The following PPME1 variants were observed in gnomAD, a reference collection of about 807,000 sequenced individuals.
PPME1 encodes protein phosphatase methylesterase 1, also known as testicular secretory protein Li 39.
PPME1 carries 17 observed loss-of-function variants against 56.9 expected under a neutral mutation model. The observed-to-expected ratio is 0.30, with a 90% confidence interval of 0.20 to 0.45. The LOEUF is 0.45. Among genes scored for constraint, PPME1 ranks in the 20% least tolerant of loss-of-function variants. PPME1 has a pLI of 1.00. For synonymous variants in PPME1, 122 were observed against 156.2 expected, an observed-to-expected ratio of 0.78 and a Z score of 1.63; for missense variants, 357 against 483.2, an observed-to-expected ratio of 0.74 and a Z score of 2.45.
At chr11:74,210,735 A>G (rs1466750238) in intron 3 of PPME1, among the ~76,000 whole-genome samples, 1 of 152,214 alleles carries the variant, frequency 6.6e-6, no homozygotes, top group Non-Finnish European at 1.5e-5. Flanking sequence ...CAGCAGGACC[A>G]GATGCTGGTG....
chr11:74,222,513 G>A, intron 4 of PPME1, 144 bp downstream of exon 4: 1 of 750,776 alleles, frequency 1.3e-6, no homozygotes, highest in Non-Finnish European at 2.2e-6. Flanking sequence ...GTTGGAGATG[G>A]AGTCTCATTC....
intron 4 of PPME1, among the ~76,000 whole-genome samples, chr11:74,223,006 T>C (rs943868345): frequency 2.6e-5 from 4 of 152,052 alleles, no homozygotes; most frequent in Non-Finnish European, 5.9e-5. Flanking sequence ...GTTAGTTACA[T>C]ATGTATACAT....
intron 1 of PPME1, among the ~76,000 whole-genome samples, chr11:74,193,216 G>C (rs900869713): frequency 6.6e-6 from 1 of 152,236 alleles, no homozygotes. Context: ...TTAGTAACGT[G>C]TAAGTTCAAT....
At chr11:74,216,584 T>G (rs1858650878) in intron 3 of PPME1, among the ~76,000 whole-genome samples, 1 of 151,764 alleles carries the variant, frequency 6.6e-6, no homozygotes, top group South Asian at 2.1e-4. Context: ...CCTAAAGAAT[T>G]AGAAGAGCAA....
intron 7 of PPME1, among the ~76,000 whole-genome samples, chr11:74,231,230 AAATTTTTT>A (rs1269786862): frequency 6.6e-6 from 1 of 152,038 alleles, no homozygotes; most frequent in Non-Finnish European, 1.5e-5. Context: ...GCTAATTTTT[AAATTTTTT>A]GTAGAAACGA....
intron 1 of PPME1, among the ~76,000 whole-genome samples, chr11:74,177,551 C>T (rs1418116623): frequency 2.0e-5 from 3 of 151,734 alleles, no homozygotes; most frequent in Non-Finnish European, 2.9e-5. Context: ...CTTTTACGTG[C>T]CACTACTGTA....
At chr11:74,185,915 T>C (rs958871162) in intron 1 of PPME1, among the ~76,000 whole-genome samples, 3 of 152,224 alleles carry the variant, frequency 2.0e-5, no homozygotes, top group Non-Finnish European at 2.9e-5. Context: ...TTAAGTATCT[T>C]ATCTGAAGAT....
intron 11 of PPME1, chr11:74,247,483 G>GT (rs761820906): frequency 0.047 from 5,540 of 118,686 alleles, 333 homozygotes; most frequent in African/African-American, 0.13. Flanking sequence ...TTGTTTGTGG[G>GT]TTTTTTTTTT....
At chr11:74,250,848 G>A in intron 11 of PPME1, 106 bp from the exon 12 acceptor site, 5 of 903,904 alleles carry the variant, frequency 5.5e-6, no homozygotes, top group Non-Finnish European at 8.9e-6. Context: ...TTGAGGTGAG[G>A]TTGGAAATGG....
intron 5 of PPME1, among the ~76,000 whole-genome samples, chr11:74,229,925 C>T (rs1859024919): frequency 6.6e-6 from 1 of 152,100 alleles, no homozygotes; most frequent in Non-Finnish European, 1.5e-5. Flanking sequence ...CAGTTTCAAT[C>T]TTAGGTTCAA....
At chr11:74,225,349 G>A in intron 5 of PPME1, 93 bp downstream of exon 5, 3 of 937,226 alleles carry the variant, frequency 3.2e-6, no homozygotes, top group African/African-American at 3.4e-5. Flanking sequence ...GAGATTGTTG[G>A]GGAATAATTA....
rs1319375634 is a variant in PPME1, at chr11:74,185,019, A to G, written c.101+13497A>G. On this transcript the variant is annotated intron_variant, in intron 1 of 13. Coordinates refer to ENST00000328257, the MANE Select transcript of PPME1 (RefSeq NM_016147.3). ...TTTTTTTTTTTTTTTTTTTTTTTTGAGACAGAGTCTCACTCTGTCACCCAG... is the reference window on the plus strand; with the variant it reads ...TTTTTTTTTTTTTTTTTTTTTTTTGGGACAGAGTCTCACTCTGTCACCCAG... Among the ~76,000 whole-genome samples the G allele has an allele frequency of 2.3e-3, 100 of 42,912 alleles. 2 individuals carry two copies. The highest frequency in any genetic ancestry group is 1.5e-3 in the South Asian group (2 of 1,324). The allele number at this position is 42,912 out of a possible 152,430, so 28.2% of individuals were successfully genotyped here.
At chr11:74,200,984 CT>C (rs370003275) in intron 1 of PPME1, among the ~76,000 whole-genome samples, 1 of 147,002 alleles carries the variant, frequency 6.8e-6, no homozygotes. Context: ...TTTCTTTTTT[CT>C]TTTTTTTTGA....
At position 74,171,295 on chromosome 11, in the gene PPME1, G is replaced by C. The variant is rs1857206726; in HGVS notation, c.-127G>C. ...CCGGTGGGCGGTAGGCGGTGCTACGGGTAGCTGGGTGCTGTCCAAAGGCGA... is the reference window on the plus strand; with the variant it reads ...CCGGTGGGCGGTAGGCGGTGCTACGCGTAGCTGGGTGCTGTCCAAAGGCGA... On this transcript the variant is annotated 5_prime_UTR_variant, in exon 1 of 14. Transcript: ENST00000328257. 5 of 1,505,780 alleles carry C rather than the reference G, an allele frequency of 3.3e-6. No individual in the cohort carries two copies. In the South Asian group the frequency reaches 6.4e-5, roughly 19 times the overall value. The allele number at this position is 1,505,780 out of a possible 1,614,324, so 93.3% of individuals were successfully genotyped here.
At chr11:74,220,666 G>GTC in intron 3 of PPME1, among the ~76,000 whole-genome samples, 1 of 152,302 alleles carries the variant, frequency 6.6e-6, no homozygotes, top group East Asian at 1.9e-4. Flanking sequence ...TTCATCTGAA[G>GTC]CACTTAGATT....
chr11:74,247,075 C>T lies in PPME1; in HGVS notation c.965-4C>T, dbSNP rs1404318259. The T allele has an allele frequency of 6.2e-7, 1 of 1,609,568 alleles. No individual in the cohort carries two copies. Among genetic ancestry groups the T allele is most frequent in the East Asian group, 2.2e-5 (1 of 44,844 alleles). On this transcript the variant is annotated splice_region_variant and splice_polypyrimidine_tract_variant and intron_variant, in intron 10 of 13. Transcript: ENST00000328257. ...GTTTCACAATGAATTCTCTTGTTTTCTAGGTGTTGATAGATTGGATAAAGA... is the reference window on the plus strand; with the variant it reads ...GTTTCACAATGAATTCTCTTGTTTTTTAGGTGTTGATAGATTGGATAAAGA...
At chr11:74,205,037 A>G (rs1858291839) in intron 3 of PPME1, 1 of 152,322 alleles carries the variant, frequency 6.6e-6, no homozygotes, top group Admixed American at 6.5e-5. Context: ...ATTATTGTTT[A>G]CTTCTTTGAC....
intron 8 of PPME1, 69 bp from the exon 9 acceptor site, chr11:74,239,064 A>C: frequency 2.8e-6 from 4 of 1,438,854 alleles, no homozygotes; most frequent in Non-Finnish European, 3.8e-6. Context: ...GGCCGTAAGT[A>C]TGAGTATCTC....
intron 1 of PPME1, among the ~76,000 whole-genome samples, chr11:74,197,742 G>A (rs957069935): frequency 6.6e-5 from 10 of 152,194 alleles, no homozygotes; most frequent in African/African-American, 2.4e-4. Flanking sequence ...CTGGAAATAG[G>A]TTGTTAAGGT....
Sources: allele counts gnomAD v4.1 joint callset (sites outside exome capture counted in the v4.1 genomes callset), GRCh38; gene constraint gnomAD v4.1.1; transcripts MANE v1.5; gene names NCBI Gene and HGNC (gene_info 2026-07-23, HGNC 2026-07-21).